Variants in COPB2 observed in about 807,000 individuals in gnomAD.
The protein encoded by COPB2 is coat protein complex I subunit beta 2.
COPB2 carries 16 observed loss-of-function variants against 120.8 expected under a neutral mutation model. The ratio of observed to expected loss-of-function variants is 0.13; its 90% CI spans 0.09 to 0.20. The LOEUF is 0.20. Among genes scored for constraint, COPB2 ranks in the 10% least tolerant of loss-of-function variants. COPB2 has a pLI of 1.00. For missense variants in COPB2, 794 were observed against 1,076.5 expected (o/e 0.74, Z 3.67); for synonymous variants, 332 against 366.3 (o/e 0.91, Z 1.07).
chr3:139,377,746 C>T (rs868842624), intron 5 of COPB2, among the ~76,000 whole-genome samples: 2 of 152,172 alleles, frequency 1.3e-5, no homozygotes, highest in African/African-American at 2.4e-5. Context: ...ACAGTAGTAT[C>T]CTAAAAAGAT....
At position 139,366,584 on chromosome 3, in the gene COPB2, T is replaced by G; in HGVS notation, c.1868A>C (p.His623Pro). 6.2e-7 allele frequency: 1 copy of G among 1,609,898 alleles called. No individual in the cohort carries two copies. Among genetic ancestry groups the G allele is most frequent in the Non-Finnish European group, 8.5e-7 (1 of 1,178,142 alleles). ...IPKEQRTRVA[H>P]FLEKQGFKQQ... ...ACCTCTTACCTGCTTTTCCAAAAAG[T>G]GTGCAACTCTGGTCCTCTGTTCTTT... The change falls in exon 15 of 22, where the codon CAC becomes CCC. Residue 623 changes from histidine to proline, a missense_variant. By Grantham distance (77) the His-to-Pro change is moderately conservative. Coordinates refer to ENST00000333188, the MANE Select transcript of COPB2 (RefSeq NM_004766.3).
chr3:139,358,605 C>T (rs897931024), intron 20 of COPB2, 139 bp downstream of exon 20: 8 of 650,838 alleles, frequency 1.2e-5, no homozygotes, highest in African/African-American at 3.7e-5. Flanking sequence ...GGCGTGAACC[C>T]GGGAGACAGA....
chr3:139,373,920 G>T, intron 7 of COPB2, 112 bp from the exon 8 acceptor site: 1 of 1,294,772 alleles, frequency 7.7e-7, no homozygotes, highest in Non-Finnish European at 1.0e-6. Context: ...ACACTTCCTG[G>T]CAGCTTAATG....
chr3:139,369,387 A>G lies in COPB2; in HGVS notation c.1295-20T>C, dbSNP rs769717129. On this transcript the variant is annotated intron_variant, in intron 11 of 21. Coordinates refer to ENST00000333188, the MANE Select transcript of COPB2 (RefSeq NM_004766.3). The stretch of plus-strand genomic sequence containing the variant: ...AGATACCTAAAGGGAACATAAAAAG[A>G]GTTTTGCTTAGGCATTTTTGAGCCA... 1 of 1,608,736 alleles carries G rather than the reference A, an allele frequency of 6.2e-7. No homozygotes were observed. The highest frequency in any genetic ancestry group is 1.7e-5 in the Admixed American group (1 of 59,134).
chr3:139,369,357 G>A lies in COPB2; in HGVS notation c.1305C>T (p.Gly435=), dbSNP rs758217354. 6.8e-6 allele frequency: 11 copies of A among 1,613,000 alleles called. No homozygotes were observed. Among genetic ancestry groups the A allele is most frequent in the South Asian group, 4.4e-5 (4 of 90,966 alleles). The change falls in exon 12 of 22, where the codon GGC becomes GGT. Residue 435 remains glycine, a synonymous_variant. Transcript: ENST00000333188. ...CAGATCTGACTCCCAATAAGAAGCC[G>A]CCGTAGATACCTAAAGGGAACATAA... is the stretch of plus-strand genomic sequence containing the variant. ...KPDFGAESIY[G]GFLLGVRSVN... is the part of the protein sequence containing the mutation.
At position 139,359,330 on chromosome 3, in the gene COPB2, G is replaced by C. The variant is rs745421557; in HGVS notation, c.2243C>G (p.Thr748Ser). ...GAAGGCAGCTTCTGGCAGCCGTCCAGTTCTAATTAAGAGCTCTAGGCAGGC... is the reference window on the plus strand; with the variant it reads ...GAAGGCAGCTTCTGGCAGCCGTCCACTTCTAATTAAGAGCTCTAGGCAGGC... ...VDACLELLIR[T>S]GRLPEAAFLA... Residue 748 changes from threonine (T) to serine (S), a missense_variant, in exon 18 of 22, where the codon ACT (threonine) becomes AGT (serine). Physicochemically the swap from Thr to Ser is moderately conservative, Grantham distance 58 (BLOSUM62 1). Around this residue, in one of 3 missense-constraint regions of COPB2, gnomAD observed 178 missense variants for 183.2 expected, o/e 0.97. Transcript: ENST00000333188. The C allele has an allele frequency of 2.3e-5, 37 of 1,614,052 alleles. No homozygotes were observed. The highest frequency in any genetic ancestry group is 3.0e-5 in the Non-Finnish European group (35 of 1,180,024).
chr3:139,364,797 CCTT>C (rs1432004941), intron 15 of COPB2, among the ~76,000 whole-genome samples: 1 of 152,186 alleles, frequency 6.6e-6, no homozygotes, highest in African/African-American at 2.4e-5. Flanking sequence ...CAAATTCAGA[CCTT>C]CTGATCTGTT....
intron 1 of COPB2, among the ~76,000 whole-genome samples, chr3:139,387,895 A>T (rs1941952600): frequency 6.6e-6 from 1 of 152,198 alleles, no homozygotes; most frequent in Admixed American, 6.5e-5. Context: ...ACCTACAGTA[A>T]CCACTTCACA....
At chr3:139,358,421 G>A (rs1030585188) in intron 20 of COPB2, 150 bp from the exon 21 acceptor site, 3 of 700,146 alleles carry the variant, frequency 4.3e-6, no homozygotes, top group East Asian at 2.7e-5. Flanking sequence ...GCTCACGCCT[G>A]TAATCCCAGC....
chr3:139,358,982 C>A lies in COPB2; in HGVS notation c.2484+16G>T. 6.2e-7 allele frequency: 1 copy of A among 1,607,718 alleles called. No individual in the cohort carries two copies. Among genetic ancestry groups the A allele is most frequent in the Non-Finnish European group, 8.5e-7 (1 of 1,177,506 alleles). ...TGTAGTTACAATAAATGAAGCTTGA[C>A]ATCCTGGCCACTCACCGTGACAAGT... On this transcript the variant is annotated intron_variant, in intron 19 of 21. Coordinates refer to ENST00000333188, the MANE Select transcript of COPB2 (RefSeq NM_004766.3).
intron 1 of COPB2, among the ~76,000 whole-genome samples, chr3:139,383,917 A>C (rs1214846900): frequency 6.6e-6 from 1 of 152,138 alleles, no homozygotes; most frequent in African/African-American, 2.4e-5. Flanking sequence ...TTTTTGCAGA[A>C]CTCTTTATAA....
chr3:139,362,573 TTTA>T (rs1941442837), intron 15 of COPB2, 56 bp from the exon 16 acceptor site: 9 of 935,066 alleles, frequency 9.6e-6, no homozygotes, highest in Non-Finnish European at 1.4e-5. Flanking sequence ...GTATGTATGT[TTTA>T]TATATATATA....
intron 15 of COPB2, 50 bp from the exon 16 acceptor site, chr3:139,362,567 G>A (rs1273371881): frequency 8.7e-7 from 1 of 1,146,754 alleles, no homozygotes; most frequent in Non-Finnish European, 1.2e-6. Flanking sequence ...AAAAATGTAT[G>A]TATGTTTTAT....
rs750836235 is a variant in COPB2 at position 139,374,508 on chromosome 3, A to G, written c.732T>C (p.Ile244=). Residue 244 remains isoleucine (I), a synonymous_variant, in exon 7 of 22, where the codon ATT becomes ATC. Transcript: ENST00000333188. ...CASFHPELPI[I]ITGSEDGTVR... Reference sequence around the variant, plus strand: ...ACTTACCATCTTCTGAACCTGTGATAATGATTGGCAACTCAGGATGAAAGC... The same window carrying G: ...ACTTACCATCTTCTGAACCTGTGATGATGATTGGCAACTCAGGATGAAAGC... 9 of 1,613,856 alleles carry G rather than the reference A, an allele frequency of 5.6e-6. No homozygotes were observed. Among genetic ancestry groups the G allele is most frequent in the Admixed American group, 1.7e-5 (1 of 60,000 alleles).
In COPB2 at chr3:139,369,444, G is replaced by T; in HGVS notation, c.1294+12C>A. ...AGAATTTAAAAATGTATCATATGTA[G>T]ATCACACTCACTTTCTGCTCCAAAA... On this transcript the variant is annotated intron_variant, in intron 11 of 21. Coordinates refer to ENST00000333188, the MANE Select transcript of COPB2 (RefSeq NM_004766.3). 6.2e-7 allele frequency: 1 copy of T among 1,606,644 alleles called. No individual in the cohort carries two copies. The highest frequency in any genetic ancestry group is 1.1e-5 in the South Asian group (1 of 89,706).
chr3:139,369,551 G>GA lies in COPB2; in HGVS notation c.1206-8dup. The GA allele has an allele frequency of 6.4e-7, 1 of 1,550,400 alleles. No homozygotes were observed. On this transcript the variant is annotated splice_polypyrimidine_tract_variant and splice_region_variant and intron_variant, in intron 10 of 21. Coordinates refer to ENST00000333188, the MANE Select transcript of COPB2 (RefSeq NM_004766.3). ...GCTCTCTCTTATTGCATACCTGGGAGAAAAAAGGGAAGGCAAACATAACAT... is the reference window on the plus strand; with the variant it reads ...GCTCTCTCTTATTGCATACCTGGGAGAAAAAAAGGGAAGGCAAACATAACAT...
At chr3:139,358,972 T>C (rs746214246) in intron 19 of COPB2, 26 bp downstream of exon 19, 2 of 1,605,766 alleles carry the variant, frequency 1.2e-6, no homozygotes, top group Non-Finnish European at 1.7e-6. Context: ...TTACAATAAA[T>C]GAAGCTTGAC....
At chr3:139,364,093 A>T (rs1450234348) in intron 15 of COPB2, among the ~76,000 whole-genome samples, 2 of 152,188 alleles carry the variant, frequency 1.3e-5, no homozygotes, top group Non-Finnish European at 2.9e-5. Context: ...AAGGGAGAGG[A>T]AACAGTAACA....
chr3:139,367,976 T>A (rs1216207520), intron 13 of COPB2, among the ~76,000 whole-genome samples, 169 bp downstream of exon 13: 1 of 152,266 alleles, frequency 6.6e-6, no homozygotes, highest in Admixed American at 6.5e-5. Flanking sequence ...TATTTTAAAT[T>A]TTGATCTATG....
Sources: gnomAD v4.1 joint callset for allele counts (sites outside exome capture counted in the v4.1 genomes callset) on GRCh38, gnomAD v4.1.1 for gene constraint, gnomAD v4.1.1 regional missense constraint, MANE v1.5 for transcripts, NCBI Gene and HGNC (gene_info 2026-07-23, HGNC 2026-07-21) for gene names.